ROR2: variants seen among roughly 807,000 people sequenced by gnomAD.
The protein encoded by ROR2 is tyrosine-protein kinase transmembrane receptor ROR2.
ROR2 carries 33 observed loss-of-function variants against 74.9 expected under a neutral mutation model. The ratio of observed to expected loss-of-function variants is 0.44; its 90% confidence interval spans 0.33 to 0.59. The LOEUF is 0.59. Ranked by LOEUF, ROR2 falls within the 20% of genes least tolerant of loss-of-function variation. The pLI is 0.02. For missense variants in ROR2, 1,216 were observed against 1,313.8 expected, an observed-to-expected ratio of 0.93 and a Z score of 1.15; for synonymous variants, 586 against 558.7, an observed-to-expected ratio of 1.05 and a Z score of -0.69.
rs368538483 is a variant in ROR2 at position 91,733,045 on chromosome 9, C to T, written c.937+77G>A. ...ACAGATGGGGCTCCCTGGGCTTCACCGACACCCCCATACACATTTCAAGGG... is the reference window on the plus strand; with the variant it reads ...ACAGATGGGGCTCCCTGGGCTTCACTGACACCCCCATACACATTTCAAGGG... On this transcript the variant is annotated intron_variant, in intron 6 of 8. Transcript: ENST00000375708. This position sits in a 1 kb window ranked among gnomAD's most constrained non-coding sequence, Gnocchi z 5.7. The T allele has an allele frequency of 3.7e-4, 516 of 1,396,348 alleles. 1 individual carries two copies. The African/African-American group carries it at 5.8e-3, about 16-fold the overall frequency. 86.5% of individuals were successfully genotyped at this position (1,396,348 alleles called of 1,614,324 possible). A position where few individuals can be genotyped will look rare whatever the true frequency, so the allele number is the denominator to read the frequency against.
chr9:91,806,777 G>C (rs570710405), intron 1 of ROR2, among the ~76,000 whole-genome samples: 4 of 152,194 alleles, frequency 2.6e-5, no homozygotes, highest in African/African-American at 7.2e-5. Flanking sequence ...TTTTAGTAGA[G>C]ACGGGGTTTC....
intron 1 of ROR2, among the ~76,000 whole-genome samples, chr9:91,780,997 T>C (rs950087903): frequency 2.6e-5 from 4 of 152,242 alleles, no homozygotes; most frequent in Admixed American, 2.6e-4. Context: ...ACATGCTTTG[T>C]TATTCAGACT....
intron 1 of ROR2, among the ~76,000 whole-genome samples, chr9:91,851,693 C>T (rs1829097441): frequency 6.6e-6 from 1 of 152,068 alleles, no homozygotes; most frequent in Non-Finnish European, 1.5e-5. Flanking sequence ...ATAGGGTTTT[C>T]TGGCCGGGCA....
chr9:91,778,221 A>G (rs1028836636), intron 1 of ROR2, among the ~76,000 whole-genome samples: 2 of 152,252 alleles, frequency 1.3e-5, no homozygotes, highest in Admixed American at 1.3e-4. Context: ...AGGGGCCACC[A>G]CAACGGATGT....
intron 1 of ROR2, among the ~76,000 whole-genome samples, chr9:91,848,584 A>C (rs1344814563): frequency 6.6e-6 from 1 of 152,086 alleles, no homozygotes; most frequent in Non-Finnish European, 1.5e-5. Flanking sequence ...AACATGGCGA[A>C]ACACTACTAA....
intron 1 of ROR2, among the ~76,000 whole-genome samples, chr9:91,850,431 G>A (rs1443400736): frequency 3.3e-5 from 5 of 152,118 alleles, no homozygotes; most frequent in Non-Finnish European, 1.5e-5. Flanking sequence ...AATCAGGTGG[G>A]CCCAAAGTAC....
rs907750118 is a variant in ROR2 at position 91,796,436 on chromosome 9, G to GAAAAAA, written c.98-20624_98-20619dup. Among the ~76,000 whole-genome samples the GAAAAAA allele has an allele frequency of 1.5e-3, 132 of 87,674 alleles. No individual in the cohort carries two copies. The South Asian group carries it at 0.02, about 14-fold the overall frequency. The allele number at this position is 87,674 out of a possible 152,430, so 57.5% of individuals were successfully genotyped here. ...CAACAGAGTGAGACCTTGTCCCAAG[G>GAAAAAA]AAAAAAAAAAAAAAAAAAACATTTT... On this transcript the variant is annotated intron_variant, in intron 1 of 8. Coordinates refer to ENST00000375708, the MANE Select transcript of ROR2 (RefSeq NM_004560.4).
Position 91,722,601 on chromosome 9 carries a change from T to G in ROR2, c.*1061A>C. The stretch of plus-strand genomic sequence containing the variant: ...ACAACCTGCAAGAGAGCCAATCACA[T>G]GCTTTGTTTCACTTTATTGGATACA... On this transcript the variant is annotated 3_prime_UTR_variant, in exon 9 of 9. Coordinates refer to ENST00000375708, the MANE Select transcript of ROR2 (RefSeq NM_004560.4). The G allele has an allele frequency of 1.3e-6, 1 of 780,052 alleles. No individual in the cohort carries two copies. The highest frequency in any genetic ancestry group is 2.4e-6 in the Non-Finnish European group (1 of 417,980). 48.3% of individuals were successfully genotyped at this position (780,052 alleles called of 1,614,324 possible).
chr9:91,817,877 G>A (rs1275089190), intron 1 of ROR2, among the ~76,000 whole-genome samples: 2 of 151,950 alleles, frequency 1.3e-5, no homozygotes, highest in African/African-American at 4.8e-5. Flanking sequence ...GAGGGGAAGG[G>A]GCTATGGGCT....
Position 91,859,197 on chromosome 9 carries a change from C to CTTTTTTT in ROR2, c.98-83386_98-83380dup, listed in dbSNP as rs541283275. On this transcript the variant is annotated intron_variant, in intron 1 of 8. Coordinates refer to ENST00000375708, the MANE Select transcript of ROR2 (RefSeq NM_004560.4). ...CAAGAAGGACCATCTGAAAGTATTC[C>CTTTTTTT]TTTTTTTTTTTTTTTTTTTTTTGAG... Among the ~76,000 whole-genome samples, 8 of 121,324 alleles carry CTTTTTTT rather than the reference C, an allele frequency of 6.6e-5. 1 individual carries two copies. The highest frequency in any genetic ancestry group is 2.4e-4 in the East Asian group (1 of 4,200). The allele number at this position is 121,324 out of a possible 152,430, so 79.6% of individuals were successfully genotyped here.
chr9:91,787,221 T>C (rs564434621), intron 1 of ROR2, among the ~76,000 whole-genome samples: 81 of 152,240 alleles, frequency 5.3e-4, no homozygotes, highest in Middle Eastern at 3.4e-3. Flanking sequence ...GGTTTAAAAA[T>C]AAAAAGAGGC....
intron 1 of ROR2, among the ~76,000 whole-genome samples, chr9:91,806,637 T>G (rs1259896933): frequency 6.6e-6 from 1 of 152,212 alleles, no homozygotes; most frequent in African/African-American, 2.4e-5. Flanking sequence ...TCGCCCAGGC[T>G]GGAGTGCAGT....
chr9:91,918,225 G>A (rs529495332), intron 1 of ROR2, among the ~76,000 whole-genome samples: 37 of 144,998 alleles, frequency 2.6e-4, no homozygotes, highest in African/African-American at 8.2e-4. Flanking sequence ...CTGAGATTGC[G>A]CCACCGCACT....
chr9:91,823,361 A>G (rs916588978), intron 1 of ROR2, among the ~76,000 whole-genome samples: 1 of 150,450 alleles, frequency 6.6e-6, no homozygotes, highest in African/African-American at 2.5e-5. Flanking sequence ...TCAAGACGGA[A>G]TCTTGCTCTC....
At chr9:91,856,312 A>C (rs1829285157) in intron 1 of ROR2, among the ~76,000 whole-genome samples, 1 of 152,220 alleles carries the variant, frequency 6.6e-6, no homozygotes, top group Non-Finnish European at 1.5e-5. Context: ...CTGTGGTTGC[A>C]CCACTGCACT....
chr9:91,743,005 A>T (rs1202757298), intron 4 of ROR2, among the ~76,000 whole-genome samples: 1 of 152,242 alleles, frequency 6.6e-6, no homozygotes, highest in Admixed American at 6.5e-5. Flanking sequence ...TAGGAGCAAC[A>T]GGCTGTACCA....
intron 1 of ROR2, among the ~76,000 whole-genome samples, chr9:91,782,245 G>T (rs1308987395): frequency 6.6e-6 from 1 of 152,228 alleles, no homozygotes; most frequent in African/African-American, 2.4e-5. Flanking sequence ...GGAGCAAACA[G>T]AAATGCTAAG....
chr9:91,811,038 A>T (rs1827732789), intron 1 of ROR2, among the ~76,000 whole-genome samples: 1 of 152,242 alleles, frequency 6.6e-6, no homozygotes, highest in Non-Finnish European at 1.5e-5. Context: ...TGGCAAACTC[A>T]TGGGAATTCC....
chr9:91,748,751 G>T (rs534758157), intron 4 of ROR2, among the ~76,000 whole-genome samples: 30 of 152,330 alleles, frequency 2.0e-4, no homozygotes, highest in East Asian at 1.9e-3. Context: ...AGGGCACAGA[G>T]GCCGGGCCTG....
Sources: gnomAD v4.1 joint callset for allele counts (sites outside exome capture counted in the v4.1 genomes callset) on GRCh38, gnomAD v4.1.1 for gene constraint, Gnocchi (gnomAD v3.1) non-coding constraint, MANE v1.5 for transcripts, NCBI Gene and HGNC (gene_info 2026-07-23, HGNC 2026-07-21) for gene names.